Variants in NR1H4 observed in about 807,000 individuals in gnomAD.
NR1H4 encodes bile acid receptor.
NR1H4 carries 23 observed loss-of-function variants against 58.5 expected under a neutral mutation model. The ratio of observed to expected loss-of-function variants is 0.39; its 90% CI spans 0.28 to 0.56. The LOEUF (loss-of-function observed/expected upper bound fraction) is 0.56. Ranked by LOEUF, NR1H4 falls within the 20% of genes least tolerant of loss-of-function variation. The probability of loss-of-function intolerance (pLI) is 0.58; values close to 1 mark genes in which losing one functional copy is unlikely to be tolerated. For synonymous variants in NR1H4, 214 were observed against 198.0 expected (o/e 1.08, Z -0.68); for missense variants, 487 against 576.9 (o/e 0.84, Z 1.60).
At chr12:100,528,710 T>C (rs144323683) in intron 4 of NR1H4, among the ~76,000 whole-genome samples, 7 of 152,350 alleles carry the variant, frequency 4.6e-5, no homozygotes, top group Admixed American at 1.3e-4. Context: ...AATGATAATA[T>C]TGTGTTGCTA....
intron 4 of NR1H4, among the ~76,000 whole-genome samples, chr12:100,531,257 A>T (rs190289299): frequency 4.6e-5 from 7 of 152,272 alleles, no homozygotes; most frequent in Admixed American, 4.6e-4. Flanking sequence ...GGAGTTTGAG[A>T]CCAGCCTGGC....
At chr12:100,510,480 T>C (rs978730386) in intron 3 of NR1H4, among the ~76,000 whole-genome samples, 45 of 151,908 alleles carry the variant, frequency 3.0e-4, no homozygotes, top group Middle Eastern at 6.8e-3. Flanking sequence ...TCCTTTCCTT[T>C]ATCCCTTTTT....
At chr12:100,496,026 A>C (rs1295137308) in intron 3 of NR1H4, among the ~76,000 whole-genome samples, 1 of 152,160 alleles carries the variant, frequency 6.6e-6, no homozygotes, top group African/African-American at 2.4e-5. Flanking sequence ...CCAGTGGTTA[A>C]CTGTGTATTG....
At chr12:100,474,337 G>A (rs1388441551) in intron 1 of NR1H4, among the ~76,000 whole-genome samples, 2 of 152,164 alleles carry the variant, frequency 1.3e-5, no homozygotes, top group African/African-American at 4.8e-5. Flanking sequence ...TAAATCACTG[G>A]AGATAGTGCA....
chr12:100,523,325 A>C (rs1430891450), intron 4 of NR1H4, among the ~76,000 whole-genome samples: 1 of 152,102 alleles, frequency 6.6e-6, no homozygotes, highest in Non-Finnish European at 1.5e-5. Context: ...ACATGTTTTC[A>C]TGTGTTTTTT....
At chr12:100,560,815 G>C (rs990639953) in intron 9 of NR1H4, among the ~76,000 whole-genome samples, 20 of 152,170 alleles carry the variant, frequency 1.3e-4, no homozygotes, top group Admixed American at 1.3e-4. Context: ...TTAAGTAAAT[G>C]CCAGGTGCAA....
At chr12:100,483,848 G>A (rs1308858442) in intron 1 of NR1H4, among the ~76,000 whole-genome samples, 2 of 152,048 alleles carry the variant, frequency 1.3e-5, no homozygotes, top group African/African-American at 4.8e-5. Context: ...GCTGGGTGTG[G>A]TGGTGCATGC....
chr12:100,500,668 C>T (rs533036187), intron 3 of NR1H4, among the ~76,000 whole-genome samples: 2 of 152,170 alleles, frequency 1.3e-5, no homozygotes, highest in South Asian at 2.1e-4. Context: ...GGTGGTTTCC[C>T]CATGCTGTTC....
At chr12:100,501,898 C>T (rs957191628) in intron 3 of NR1H4, among the ~76,000 whole-genome samples, 3 of 152,144 alleles carry the variant, frequency 2.0e-5, no homozygotes, top group African/African-American at 7.2e-5. Flanking sequence ...CTGGGCTCCA[C>T]CCTGGATCAA....
intron 5 of NR1H4, among the ~76,000 whole-genome samples, 166 bp from the exon 6 acceptor site, chr12:100,534,724 G>T (rs1170677370): frequency 6.6e-6 from 1 of 152,198 alleles, no homozygotes; most frequent in Non-Finnish European, 1.5e-5. Context: ...TCAAGGTTAA[G>T]TCTCAAACCT....
intron 4 of NR1H4, among the ~76,000 whole-genome samples, chr12:100,520,334 CAG>C (rs1566452847): frequency 6.6e-6 from 1 of 151,988 alleles, no homozygotes; most frequent in African/African-American, 2.4e-5. Context: ...CAAAATAAAA[CAG>C]AAACCAACAA....
chr12:100,499,891 C>T (rs1265805107), intron 3 of NR1H4: 1 of 456,012 alleles, frequency 2.2e-6, no homozygotes, highest in South Asian at 1.5e-5. Context: ...ATCTACTACC[C>T]TGTGGTCTTG....
rs202132316 is a variant in NR1H4 at position 100,532,596 on chromosome 12, A to G, written c.584A>G (p.Glu195Gly). Residue 195 changes from glutamate (E) to glycine (G), a missense_variant, in exon 5 of 11, where the codon GAA (glutamate) becomes GGA (glycine). Transcript: ENST00000392986. ...TGCAAAGAGATGGGAATGTTGGCTG[A>G]ATGTATGTATACAGGTATTCACTTC... Reference protein sequence around the residue: ...RKCKEMGMLAECMYTGLLTEI... With the variant: ...RKCKEMGMLAGCMYTGLLTEI... 7.4e-6 allele frequency: 12 copies of G among 1,614,118 alleles called. No homozygotes were observed. In the Middle Eastern group the frequency reaches 5.0e-4, roughly 67 times the overall value.
At chr12:100,544,422 A>C (rs1955011720) in intron 9 of NR1H4, among the ~76,000 whole-genome samples, 1 of 152,134 alleles carries the variant, frequency 6.6e-6, no homozygotes, top group Admixed American at 6.5e-5. Context: ...GATTAAGGAT[A>C]CTGACTGTGG....
At chr12:100,483,101 T>G (rs909006682) in intron 1 of NR1H4, among the ~76,000 whole-genome samples, 3 of 152,024 alleles carry the variant, frequency 2.0e-5, no homozygotes, top group Non-Finnish European at 4.4e-5. Flanking sequence ...AATTTTTGTA[T>G]TTTTAGTAGA....
At chr12:100,553,712 A>G (rs1033050875) in intron 9 of NR1H4, among the ~76,000 whole-genome samples, 1 of 152,212 alleles carries the variant, frequency 6.6e-6, no homozygotes, top group African/African-American at 2.4e-5. Context: ...CATCGGAAAC[A>G]CAGATCCATC....
intron 8 of NR1H4, among the ~76,000 whole-genome samples, chr12:100,537,390 A>G (rs1191499316): frequency 6.6e-6 from 1 of 152,278 alleles, no homozygotes; most frequent in African/African-American, 2.4e-5. Flanking sequence ...CAATAGATTA[A>G]AAATTGAAAC....
At position 100,510,813 on chromosome 12, in the gene NR1H4, C is replaced by A. The variant is rs1254775457; in HGVS notation, c.115C>A (p.Gln39Lys). ...LTEQVAGPLG[Q>K]NLEVEPYSQY... ...AGAACAAGTGGCAGGTCCTCTGGGA[C>A]AGAACCTGGAAGTGGAACCATACTC... Residue 39 changes from glutamine (Q) to lysine (K), a missense_variant, in exon 4 of 11, where the codon CAG (glutamine) becomes AAG (lysine). Physicochemically the swap from Gln to Lys is moderately conservative, Grantham distance 53. Coordinates refer to ENST00000392986, the MANE Select transcript of NR1H4 (RefSeq NM_001206979.2). 2.5e-6 allele frequency: 4 copies of A among 1,613,984 alleles called. No homozygotes were observed. The East Asian group carries it at 8.9e-5, about 36-fold the overall frequency.
chr12:100,504,092 C>T (rs182955215), intron 3 of NR1H4, among the ~76,000 whole-genome samples: 9 of 151,870 alleles, frequency 5.9e-5, no homozygotes, highest in South Asian at 2.1e-4. Context: ...TTGGGAAACA[C>T]GAATTAATGA....
Sources: gnomAD v4.1 joint callset for allele counts (sites outside exome capture counted in the v4.1 genomes callset) on GRCh38, gnomAD v4.1.1 for gene constraint, MANE v1.5 for transcripts, NCBI Gene and HGNC (gene_info 2026-07-23, HGNC 2026-07-21) for gene names.